The following WASHC2C variants were observed in gnomAD, a reference collection of about 807,000 sequenced individuals.
The protein encoded by WASHC2C is Vaccinia Penetration Factor.
A neutral mutation model predicts 142.2 loss-of-function variants in WASHC2C; 73 were observed. That is an observed-to-expected ratio of 0.51 (90% CI 0.43 to 0.62). The LOEUF (loss-of-function observed/expected upper bound fraction) is 0.62. Ranked by LOEUF, WASHC2C falls within the 20% of genes least tolerant of loss-of-function variation. The probability of loss-of-function intolerance (pLI) is 0.00; values close to 1 mark genes in which losing one functional copy is unlikely to be tolerated. For missense variants in WASHC2C, 969 were observed against 1,531.7 expected (o/e 0.63, Z 6.13); for synonymous variants, 337 against 565.5 (o/e 0.60, Z 5.73).
chr10:45,758,954 T>C (rs1197940437), intron 16 of WASHC2C, among the ~76,000 whole-genome samples: 6 of 151,434 alleles, frequency 4.0e-5, no homozygotes, highest in African/African-American at 9.7e-5. Context: ...TTTGTCTCTT[T>C]GTGTCATGTC....
At chr10:45,769,642 C>G in intron 20 of WASHC2C, 24 bp downstream of exon 20, 1 of 1,611,620 alleles carries the variant, frequency 6.2e-7, no homozygotes, top group South Asian at 1.1e-5. Flanking sequence ...TGGAAGGAGT[C>G]CCTCACTCCA....
At chr10:45,791,938 A>T (rs1348162277) in intron 30 of WASHC2C, among the ~76,000 whole-genome samples, 2 of 146,116 alleles carry the variant, frequency 1.4e-5, no homozygotes, top group African/African-American at 5.0e-5. Context: ...GAATATCTAA[A>T]TAAGTCCATT....
At chr10:45,734,429 T>A (rs1314439102) in intron 3 of WASHC2C, among the ~76,000 whole-genome samples, 15 of 151,960 alleles carry the variant, frequency 9.9e-5, no homozygotes, top group Non-Finnish European at 1.8e-4. Context: ...GTGAACTTAT[T>A]TAACCCATCT....
At chr10:45,732,092 G>A (rs1187404621) in intron 3 of WASHC2C, among the ~76,000 whole-genome samples, 6 of 152,044 alleles carry the variant, frequency 3.9e-5, no homozygotes, top group African/African-American at 1.2e-4. Flanking sequence ...CACCATACCC[G>A]GCAATCTGGC....
intron 28 of WASHC2C, among the ~76,000 whole-genome samples, 188 bp downstream of exon 28, chr10:45,787,435 G>A (rs1387720277): frequency 1.5e-5 from 2 of 135,406 alleles, no homozygotes; most frequent in Non-Finnish European, 3.1e-5. Context: ...GCTTTTCCAT[G>A]GCCTGCATTT....
chr10:45,783,380 T>C (rs1363674266), intron 23 of WASHC2C, among the ~76,000 whole-genome samples: 1 of 152,272 alleles, frequency 6.6e-6, no homozygotes, highest in Non-Finnish European at 1.5e-5. Context: ...AACTCATTTT[T>C]ATATGTAACA....
At chr10:45,731,833 C>T (rs180831360) in intron 3 of WASHC2C, among the ~76,000 whole-genome samples, 3,463 of 124,194 alleles carry the variant, frequency 0.028, 59 homozygotes, top group East Asian at 0.053. Context: ...CTCACTCTGT[C>T]GCCCAGGCTG....
rs782347662 is a variant in WASHC2C at position 45,786,673 on chromosome 10, A to G, written c.2873A>G (p.Gln958Arg). The G allele has an allele frequency of 1.9e-6, 3 of 1,611,804 alleles. No homozygotes were observed. Among genetic ancestry groups the G allele is most frequent in the East Asian group, 2.2e-5 (1 of 44,890 alleles). The change falls in exon 27 of 31, where the codon CAA becomes CGA. Residue 958 changes from glutamine (Q) to arginine (R), a missense_variant and splice_region_variant. Gln to Arg is a conservative substitution (Grantham distance 43). Coordinates refer to ENST00000623400, the MANE Select transcript of WASHC2C (RefSeq NM_001330074.2). Reference protein sequence around the residue: ...KEPSTRIGKIQANLAINPAAL... With the variant: ...KEPSTRIGKIRANLAINPAAL... Reference sequence around the variant, plus strand: ...CCATCCACTCGGATCGGGAAGATACAAGTAATTAAAACACTGGAATCTTCA... The same window carrying G: ...CCATCCACTCGGATCGGGAAGATACGAGTAATTAAAACACTGGAATCTTCA...
chr10:45,749,836 A>AAAAAAAAAAAATAT (rs1227809519), intron 8 of WASHC2C, among the ~76,000 whole-genome samples: 3 of 101,762 alleles, frequency 2.9e-5, no homozygotes, highest in African/African-American at 4.4e-5. Flanking sequence ...AAAAAAAAAA[A>AAAAAAAAAAAATAT]ATATATATAT....
chr10:45,762,241 A>G (rs1341262251), intron 17 of WASHC2C, among the ~76,000 whole-genome samples: 1 of 152,046 alleles, frequency 6.6e-6, no homozygotes, highest in Non-Finnish European at 1.5e-5. Context: ...AGATGAAATT[A>G]TACTCTTTTT....
chr10:45,761,125 G>A (rs2055019255), intron 17 of WASHC2C, among the ~76,000 whole-genome samples: 1 of 151,624 alleles, frequency 6.6e-6, no homozygotes, highest in Non-Finnish European at 1.5e-5. Flanking sequence ...CGTTGTCACT[G>A]AGGGTCTCTT....
chr10:45,731,773 T>C (rs1256743998), intron 3 of WASHC2C, among the ~76,000 whole-genome samples: 10 of 151,214 alleles, frequency 6.6e-5, no homozygotes, highest in Non-Finnish European at 4.4e-5. Flanking sequence ...CTTGCTGATA[T>C]ATATTTGTAA....
intron 30 of WASHC2C, 83 bp downstream of exon 30, chr10:45,790,616 C>G (rs1331823133): frequency 4.3e-6 from 7 of 1,609,490 alleles, no homozygotes; most frequent in South Asian, 1.1e-5. Context: ...TTTCTTGGCC[C>G]TTTTCTGGAA....
intron 3 of WASHC2C, among the ~76,000 whole-genome samples, chr10:45,731,201 C>G (rs569449194): frequency 1.4e-5 from 2 of 147,912 alleles, no homozygotes; most frequent in South Asian, 4.2e-4. Flanking sequence ...CCATCCATCT[C>G]TCCATCCCTT....
chr10:45,752,656 G>T lies in WASHC2C; in HGVS notation c.1072G>T (p.Gly358Cys). 1.2e-6 allele frequency: 2 copies of T among 1,609,788 alleles called. No homozygotes were observed. Among genetic ancestry groups the T allele is most frequent in the Non-Finnish European group, 1.7e-6 (2 of 1,178,898 alleles). ...DEDFSPFGSG[G>C]GLFSGGKGLF... The stretch of plus-strand genomic sequence containing the variant: ...GGACTTCTCGCCATTTGGCTCTGGA[G>T]GTGGCCTGTTCAGTGGCGGCAAGGG... The change falls in exon 12 of 31, where the codon GGT becomes TGT. Residue 358 changes from glycine to cysteine, a missense_variant. Gly to Cys is a radical substitution (Grantham distance 159). Coordinates refer to ENST00000623400, the MANE Select transcript of WASHC2C (RefSeq NM_001330074.2).
chr10:45,746,498 C>T, intron 7 of WASHC2C, 102 bp from the exon 8 acceptor site: 1 of 1,370,412 alleles, frequency 7.3e-7, no homozygotes. Flanking sequence ...TTTTTCTCCA[C>T]TTGACATAGA....
At chr10:45,769,158 C>G (rs1381291345) in intron 19 of WASHC2C, among the ~76,000 whole-genome samples, 1 of 152,144 alleles carries the variant, frequency 6.6e-6, no homozygotes, top group South Asian at 2.1e-4. Context: ...CGCTCTGTCC[C>G]CCAGGCTGGA....
At chr10:45,748,425 G>A (rs1466873483) in intron 8 of WASHC2C, among the ~76,000 whole-genome samples, 1 of 151,994 alleles carries the variant, frequency 6.6e-6, no homozygotes, top group Non-Finnish European at 1.5e-5. Flanking sequence ...AAGTAGCTGG[G>A]ATTATAGGCA....
chr10:45,729,467 A>T (rs1329905953), intron 3 of WASHC2C, among the ~76,000 whole-genome samples: 4 of 152,228 alleles, frequency 2.6e-5, no homozygotes, highest in African/African-American at 9.6e-5. Context: ...ATTCTCAACT[A>T]AAGTTTATGA....
Sources: allele counts gnomAD v4.1 joint callset (sites outside exome capture counted in the v4.1 genomes callset), GRCh38; gene constraint gnomAD v4.1.1; transcripts MANE v1.5; gene names NCBI Gene and HGNC (gene_info 2026-07-23, HGNC 2026-07-21).